Variants in KIFAP3 observed in about 807,000 individuals in gnomAD.
KIFAP3 encodes the protein kinesin associated protein 3.
Under a neutral mutation model 106.5 loss-of-function variants are expected in KIFAP3, and 68 were observed. The observed-to-expected ratio is 0.64, with a 90% CI of 0.53 to 0.78. The LOEUF (loss-of-function observed/expected upper bound fraction) is 0.78. Among genes scored for constraint, KIFAP3 ranks in the 30% least tolerant of loss-of-function variants. KIFAP3 has a pLI of 0.00. For synonymous variants in KIFAP3, 320 were observed against 311.5 expected, an observed-to-expected ratio of 1.03 and a Z score of -0.29; for missense variants, 780 against 941.8, an observed-to-expected ratio of 0.83 and a Z score of 2.25.
intron 19 of KIFAP3, among the ~76,000 whole-genome samples, chr1:169,942,627 TATTCTC>T (rs1256625512): frequency 4.6e-5 from 7 of 152,348 alleles, no homozygotes; most frequent in African/African-American, 1.7e-4. Context: ...GAGGAAATTT[TATTCTC>T]ATTAACTGCT....
intron 17 of KIFAP3, among the ~76,000 whole-genome samples, chr1:169,969,120 A>C (rs1665777480): frequency 6.6e-6 from 1 of 152,032 alleles, no homozygotes; most frequent in Admixed American, 6.6e-5. Context: ...GTCTGGAAAG[A>C]GAAAATTTTA....
intron 3 of KIFAP3, among the ~76,000 whole-genome samples, chr1:170,040,451 T>G (rs1348953858): frequency 1.3e-5 from 2 of 152,162 alleles, no homozygotes; most frequent in Non-Finnish European, 2.9e-5. Flanking sequence ...TTTTTTCATA[T>G]TCCTCTAATT....
Position 169,954,160 on chromosome 1 carries a change from CCTGT to C in KIFAP3, c.2174-54_2174-51del, listed in dbSNP as rs371775361. The C allele has an allele frequency of 1.2e-3, 1,289 of 1,075,916 alleles. 2 individuals carry two copies. Among genetic ancestry groups the C allele is most frequent in the Non-Finnish European group, 1.7e-3 (1,171 of 698,358 alleles). The allele number at this position is 1,075,916 out of a possible 1,614,324, so 66.6% of individuals were successfully genotyped here. A position where few individuals can be genotyped will look rare whatever the true frequency, so the allele number is the denominator to read the frequency against. ...CAGTAAAACATATGTGTAGGAAAAA[CCTGT>C]CTATCAAGCAATACAATAAGAAAAT... On this transcript the variant is annotated intron_variant, in intron 18 of 19. Transcript: ENST00000361580.
In KIFAP3 at chr1:170,074,483, G is replaced by A. The variant is rs1221899139; in HGVS notation, c.-16C>T. Reference sequence around the variant, plus strand: ...CCCCTTGCATGGCGGCAGCGGCAGCGGCGTGGAGAGGATGGGGTATCTTGA... The same window carrying A: ...CCCCTTGCATGGCGGCAGCGGCAGCAGCGTGGAGAGGATGGGGTATCTTGA... On this transcript the variant is annotated 5_prime_UTR_variant, in exon 1 of 20. Coordinates refer to ENST00000361580, the MANE Select transcript of KIFAP3 (RefSeq NM_014970.4). 4 of 1,613,982 alleles carry A rather than the reference G, an allele frequency of 2.5e-6. No individual in the cohort carries two copies. The highest frequency in any genetic ancestry group is 2.7e-5 in the African/African-American group (2 of 75,050).
At chr1:170,056,177 G>C (rs904029605) in intron 1 of KIFAP3, among the ~76,000 whole-genome samples, 1 of 151,572 alleles carries the variant, frequency 6.6e-6, no homozygotes, top group African/African-American at 2.4e-5. Flanking sequence ...CGAAGAAATT[G>C]TCTATATTAC....
chr1:169,989,736 TAA>T (rs917688424), intron 11 of KIFAP3, among the ~76,000 whole-genome samples: 1 of 152,036 alleles, frequency 6.6e-6, no homozygotes, highest in African/African-American at 2.4e-5. Context: ...TCCCCTGATA[TAA>T]AAGTCTAAGA....
chr1:170,060,697 C>G (rs1316729161), intron 1 of KIFAP3, among the ~76,000 whole-genome samples: 2 of 152,086 alleles, frequency 1.3e-5, no homozygotes, highest in African/African-American at 4.8e-5. Context: ...CAGCCCGCAT[C>G]ACCAAGTCAA....
rs1348571086 is a variant in KIFAP3 at position 169,978,060 on chromosome 1, TCTACGGTAAAC to T, written c.1897+14_1897+24del. 7.1e-7 allele frequency: 1 copy of T among 1,416,784 alleles called. No homozygotes were observed. Among genetic ancestry groups the T allele is most frequent in the Admixed American group, 1.8e-5 (1 of 56,036 alleles). The allele number at this position is 1,416,784 out of a possible 1,614,324, so 87.8% of individuals were successfully genotyped here. ...TTTCTGAATATGTGAAATATTGTTA[TCTACGGTAAAC>T]ACTGAAAGGATACGTGTTTCCTTGA... is the stretch of plus-strand genomic sequence containing the variant. On this transcript the variant is annotated intron_variant, in intron 16 of 19. Transcript: ENST00000361580.
At chr1:169,954,173 C>G in intron 18 of KIFAP3, 63 bp from the exon 19 acceptor site, 1 of 910,486 alleles carries the variant, frequency 1.1e-6, no homozygotes, top group Non-Finnish European at 1.8e-6. Context: ...GTCTATCAAG[C>G]AATACAATAA....
At chr1:169,923,811 C>G (rs1385995039) in intron 19 of KIFAP3, among the ~76,000 whole-genome samples, 1 of 152,196 alleles carries the variant, frequency 6.6e-6, no homozygotes, top group Non-Finnish European at 1.5e-5. Flanking sequence ...TGGCACAGAA[C>G]AAGGAGCGTC....
intron 9 of KIFAP3, among the ~76,000 whole-genome samples, chr1:170,023,027 G>A (rs943118142): frequency 6.6e-6 from 1 of 151,890 alleles, no homozygotes; most frequent in Non-Finnish European, 1.5e-5. Flanking sequence ...TATAGCAAGG[G>A]GAAGCAATTA....
At chr1:169,966,330 A>G (rs1290097888) in intron 17 of KIFAP3, among the ~76,000 whole-genome samples, 1 of 151,762 alleles carries the variant, frequency 6.6e-6, no homozygotes, top group East Asian at 1.9e-4. Flanking sequence ...ATATCTTGCA[A>G]AAGATCCAAC....
At chr1:170,082,592 A>G (rs1672037668) in intron 1 of KIFAP3, among the ~76,000 whole-genome samples, 1 of 152,264 alleles carries the variant, frequency 6.6e-6, no homozygotes, top group Admixed American at 6.5e-5. Flanking sequence ...TTTGTTGTAT[A>G]TAAATTATTT....
Position 170,018,754 on chromosome 1 carries a change from C to T in KIFAP3, c.1021-2130G>A, listed in dbSNP as rs561702847. 7.2e-5 allele frequency among the ~76,000 whole-genome samples: 11 copies of T among 152,138 alleles called. No individual in the cohort carries two copies. The South Asian group carries it at 2.1e-3, about 29-fold the overall frequency. On this transcript the variant is annotated intron_variant, in intron 9 of 19. Transcript: ENST00000361580. ...CATTAATAACTGAGCCCTTGATATA[C>T]TTTTTTCCTTTCACTCTATGCAAGG...
Position 169,985,751 on chromosome 1 carries a change from A to G in KIFAP3, c.1285-1061T>C, listed in dbSNP as rs182129084. 3.4e-3 allele frequency among the ~76,000 whole-genome samples: 513 copies of G among 151,934 alleles called. 2 individuals are homozygous for G. Among genetic ancestry groups the G allele is most frequent in the Admixed American group, 6.7e-3 (102 of 15,210 alleles). Reference sequence around the variant, plus strand: ...TCCAATCACTTGGGCATGGGTATAAAATGAGAAAAAAACATTTTTAGTGAT... The same window carrying G: ...TCCAATCACTTGGGCATGGGTATAAGATGAGAAAAAAACATTTTTAGTGAT... On this transcript the variant is annotated intron_variant, in intron 11 of 19. Coordinates refer to ENST00000361580, the MANE Select transcript of KIFAP3 (RefSeq NM_014970.4).
chr1:170,055,149 T>C (rs148348470), intron 2 of KIFAP3, among the ~76,000 whole-genome samples, 156 bp downstream of exon 2: 152 of 152,336 alleles, frequency 1.0e-3, no homozygotes, highest in African/African-American at 3.5e-3. Flanking sequence ...ATATACTCCA[T>C]ACTTACAGTT....
At chr1:170,058,296 G>A (rs1165379219) in intron 1 of KIFAP3, among the ~76,000 whole-genome samples, 1 of 152,100 alleles carries the variant, frequency 6.6e-6, no homozygotes, top group African/African-American at 2.4e-5. Context: ...AAATAAAATT[G>A]TATCAAATAA....
chr1:169,979,254 C>T (rs3790408), intron 15 of KIFAP3, among the ~76,000 whole-genome samples: 1 of 152,106 alleles, frequency 6.6e-6, no homozygotes, highest in Non-Finnish European at 1.5e-5. Context: ...CTATCAACTA[C>T]GTGTCTTTAC....
At chr1:170,042,999 T>C (rs113904261) in intron 3 of KIFAP3, among the ~76,000 whole-genome samples, 6 of 152,292 alleles carry the variant, frequency 3.9e-5, no homozygotes, top group African/African-American at 1.4e-4. Flanking sequence ...TCCTTATGCA[T>C]CCAGTGAACC....
Sources: allele counts gnomAD v4.1 joint callset (sites outside exome capture counted in the v4.1 genomes callset), GRCh38; gene constraint gnomAD v4.1.1; transcripts MANE v1.5; gene names NCBI Gene and HGNC (gene_info 2026-07-23, HGNC 2026-07-21).